Variants in IP6K1 observed in about 807,000 individuals in gnomAD.
IP6K1 encodes inositol hexakisphosphate kinase 1, also known as ATP:1D-myo-inositol-hexakisphosphate phosphotransferase.
IP6K1 carries 13 observed loss-of-function variants against 38.3 expected under a neutral mutation model. The observed-to-expected ratio is 0.34, with a 90% confidence interval of 0.22 to 0.54. The LOEUF (loss-of-function observed/expected upper bound fraction) is 0.54. Ranked by LOEUF, IP6K1 falls within the 20% of genes least tolerant of loss-of-function variation. IP6K1 has a pLI of 0.92. For synonymous variants in IP6K1, 212 were observed against 229.9 expected, an observed-to-expected ratio of 0.92 and a Z score of 0.70; for missense variants, 397 against 599.8, an observed-to-expected ratio of 0.66 and a Z score of 3.53.
In IP6K1 at chr3:49,726,356, CCT is replaced by C. The variant is rs1235671131; in HGVS notation, c.*764_*765del. On this transcript the variant is annotated 3_prime_UTR_variant, in exon 6 of 6. Coordinates refer to ENST00000321599, the MANE Select transcript of IP6K1 (RefSeq NM_153273.4). ...TGTCTGGGCCAGAGCCACCAGAGGC[CCT>C]GAGGCCTGCTAGGACACCGACTATC... The C allele has an allele frequency of 3.9e-5, 6 of 152,732 alleles. No individual in the cohort carries two copies. Among genetic ancestry groups the C allele is most frequent in the African/African-American group, 1.4e-4 (6 of 41,472 alleles). The allele number at this position is 152,732 out of a possible 1,614,324, so 9.5% of individuals were successfully genotyped here.
rs371473274 is a variant in IP6K1, at chr3:49,773,542, C to A, written c.-129+12812G>T. ...AGGAGAATGGCATGACCCTGGGAGG[C>A]GGAGCCTGCAGTGAGCCAGTGAGCC... is the stretch of plus-strand genomic sequence containing the variant. On this transcript the variant is annotated intron_variant, in intron 1 of 5. Transcript: ENST00000321599. Among the ~76,000 whole-genome samples the A allele has an allele frequency of 1.1e-4, 17 of 152,230 alleles. No homozygotes were observed. The East Asian group carries it at 2.3e-3, about 21-fold the overall frequency.
rs1553697560 is a variant in IP6K1 at position 49,780,309 on chromosome 3, T to TAAACACACACACACACACACACAC, written c.-129+6044_-129+6045insGTGTGTGTGTGTGTGTGTGTGTTT. On this transcript the variant is annotated intron_variant, in intron 1 of 5. Coordinates refer to ENST00000321599, the MANE Select transcript of IP6K1 (RefSeq NM_153273.4). ...ACACGAGAATCTTTATCATCTTTCATACACACACACACACACACACACACA... is the reference window on the plus strand; with the variant it reads ...ACACGAGAATCTTTATCATCTTTCATAAACACACACACACACACACACACACACACACACACACACACACACACA... Among the ~76,000 whole-genome samples the TAAACACACACACACACACACACAC allele has an allele frequency of 6.0e-5, 7 of 117,616 alleles. No individual in the cohort carries two copies. The East Asian group carries it at 2.4e-3, about 40-fold the overall frequency. The allele number at this position is 117,616 out of a possible 152,430, so 77.2% of individuals were successfully genotyped here. A position where few individuals can be genotyped will look rare whatever the true frequency, so the allele number is the denominator to read the frequency against.
intron 1 of IP6K1, among the ~76,000 whole-genome samples, chr3:49,749,427 G>A (rs1273023381): frequency 2.0e-5 from 3 of 152,174 alleles, no homozygotes; most frequent in Non-Finnish European, 4.4e-5. Context: ...TTAACACTGA[G>A]TGTATTTTTA....
intron 1 of IP6K1, among the ~76,000 whole-genome samples, chr3:49,781,881 G>C (rs887394760): frequency 3.3e-5 from 5 of 151,816 alleles, no homozygotes; most frequent in Admixed American, 2.0e-4. Context: ...CCAGGAGTTA[G>C]AGACCAGCCT....
Position 49,728,258 on chromosome 3 carries a change from C to A in IP6K1, c.637G>T (p.Val213Leu). Residue 213 changes from valine to leucine, a missense_variant, in exon 5 of 6, where the codon GTG becomes TTG. Around this residue, in one of 3 missense-constraint regions of IP6K1, gnomAD observed 62 missense variants for 149.2 expected, o/e 0.42. Transcript: ENST00000321599. ...KLYKFLLLEN[V>L]VHHFKYPCVL... Reference sequence around the variant, plus strand: ...CAGGGGTACTTGAAGTGGTGCACCACGTTCTCAAGCAGGAGGAACTCTGGG... The same window carrying A: ...CAGGGGTACTTGAAGTGGTGCACCAAGTTCTCAAGCAGGAGGAACTCTGGG... 6.2e-7 allele frequency: 1 copy of A among 1,613,512 alleles called. No individual in the cohort carries two copies. The highest frequency in any genetic ancestry group is 8.5e-7 in the Non-Finnish European group (1 of 1,179,500).
At chr3:49,754,367 T>C (rs1272640060) in intron 1 of IP6K1, among the ~76,000 whole-genome samples, 1 of 125,622 alleles carries the variant, frequency 8.0e-6, no homozygotes, top group Non-Finnish European at 1.7e-5. Flanking sequence ...CAGATTCAGA[T>C]CTTGTCTCAG....
chr3:49,756,007 TG>T (rs939915936), intron 1 of IP6K1, among the ~76,000 whole-genome samples: 6 of 152,206 alleles, frequency 3.9e-5, no homozygotes, highest in Non-Finnish European at 7.3e-5. Context: ...CAACCCTACT[TG>T]GAACCTACCC....
intron 4 of IP6K1, among the ~76,000 whole-genome samples, chr3:49,728,806 A>G (rs1661122390): frequency 6.6e-6 from 1 of 151,940 alleles, no homozygotes; most frequent in South Asian, 2.1e-4. Context: ...CGAACTCCTG[A>G]CCTTGTGATT....
intron 2 of IP6K1, among the ~76,000 whole-genome samples, chr3:49,738,648 A>G (rs1023442978): frequency 6.6e-6 from 1 of 152,176 alleles, no homozygotes; most frequent in African/African-American, 2.4e-5. Context: ...GGATAAGTCT[A>G]TATTTCCCCT....
intron 1 of IP6K1, among the ~76,000 whole-genome samples, chr3:49,771,160 T>A (rs1213817854): frequency 6.5e-5 from 3 of 45,972 alleles, no homozygotes; most frequent in African/African-American, 1.6e-4. Flanking sequence ...GTATCCAGAA[T>A]ACAAAAAAAC....
At chr3:49,729,902 A>AT (rs1471241448) in intron 4 of IP6K1, among the ~76,000 whole-genome samples, 3 of 150,730 alleles carry the variant, frequency 2.0e-5, no homozygotes, top group Non-Finnish European at 4.4e-5. Flanking sequence ...TTTAATTATT[A>AT]TTTTTTTTGA....
At chr3:49,757,291 TAACTG>T (rs2080832293) in intron 1 of IP6K1, among the ~76,000 whole-genome samples, 1 of 152,206 alleles carries the variant, frequency 6.6e-6, no homozygotes, top group African/African-American at 2.4e-5. Flanking sequence ...TACTGTAGCT[TAACTG>T]AAAACGTTAA....
chr3:49,774,009 ACACACACAC>A (rs1209874405), intron 1 of IP6K1, among the ~76,000 whole-genome samples: 4 of 143,698 alleles, frequency 2.8e-5, no homozygotes, highest in Non-Finnish European at 3.1e-5. Flanking sequence ...ACACACACAC[ACACACACAC>A]AACACACACA....
chr3:49,727,098 G>C lies in IP6K1; in HGVS notation c.*24C>G, dbSNP rs750818205. ...TCCCTGCCTGCAGTGGAGAGGAAGG[G>C]GTTCTGGGGGCCCAGAACAGGGCCT... On this transcript the variant is annotated 3_prime_UTR_variant, in exon 6 of 6. Coordinates refer to ENST00000321599, the MANE Select transcript of IP6K1 (RefSeq NM_153273.4). This position sits in a 1 kb window ranked among gnomAD's most constrained non-coding sequence, Gnocchi z 5.9. The C allele has an allele frequency of 4.5e-6, 7 of 1,558,982 alleles. No homozygotes were observed. In the East Asian group the frequency reaches 9.0e-5, roughly 20 times the overall value.
chr3:49,759,396 TG>T (rs1575319487), intron 1 of IP6K1, among the ~76,000 whole-genome samples: 1 of 152,212 alleles, frequency 6.6e-6, no homozygotes, highest in Non-Finnish European at 1.5e-5. Context: ...TGAGATAATG[TG>T]CTGTTACTCC....
chr3:49,728,054 C>A, intron 5 of IP6K1, 49 bp downstream of exon 5: 1 of 1,573,262 alleles, frequency 6.4e-7, no homozygotes, highest in African/African-American at 1.3e-5. Flanking sequence ...TGAGCACAAC[C>A]CAAATCATGC....
chr3:49,780,128 C>G (rs2081051972), intron 1 of IP6K1, among the ~76,000 whole-genome samples: 1 of 151,964 alleles, frequency 6.6e-6, no homozygotes, highest in Non-Finnish European at 1.5e-5. Context: ...TAAGCTAAAC[C>G]CACAAATAAA....
At chr3:49,783,111 CTCTGTCTCAAAAAAAAAA>C (rs2081081300) in intron 1 of IP6K1, among the ~76,000 whole-genome samples, 1 of 141,906 alleles carries the variant, frequency 7.0e-6, no homozygotes, top group Non-Finnish European at 1.5e-5. Context: ...CAGAGTGAGA[CTCTGTCTCAAAAAAAAAA>C]AAAGGCCAGG....
chr3:49,762,372 T>C (rs1205775401), intron 1 of IP6K1, among the ~76,000 whole-genome samples: 1 of 152,144 alleles, frequency 6.6e-6, no homozygotes, highest in African/African-American at 2.4e-5. Context: ...TGAAACCCCG[T>C]CTCTACTAAA....
Sources: gnomAD v4.1 joint callset for allele counts (sites outside exome capture counted in the v4.1 genomes callset) on GRCh38, gnomAD v4.1.1 for gene constraint, gnomAD v4.1.1 regional missense constraint, Gnocchi (gnomAD v3.1) non-coding constraint, MANE v1.5 for transcripts, NCBI Gene and HGNC (gene_info 2026-07-23, HGNC 2026-07-21) for gene names.